PLD5: variants seen among roughly 807,000 people sequenced by gnomAD.
PLD5 encodes inactive phospholipase D5.
Under a neutral mutation model 61.1 loss-of-function variants are expected in PLD5, and 36 were observed. That is an observed-to-expected ratio of 0.59 (90% CI 0.45 to 0.78). The LOEUF is 0.78. Among genes scored for constraint, PLD5 ranks in the 30% least tolerant of loss-of-function variants. The pLI is 0.00. For synonymous variants in PLD5, 243 were observed against 242.8 expected (o/e 1.00, Z -0.01); for missense variants, 515 against 644.4 (o/e 0.80, Z 2.17).
chr1:242,477,558 G>A (rs1667638099), intron 1 of PLD5, among the ~76,000 whole-genome samples: 3 of 152,214 alleles, frequency 2.0e-5, no homozygotes, highest in Admixed American at 2.0e-4. Flanking sequence ...GAGGCGCAGG[G>A]GAGAGAATGG....
Position 242,123,810 on chromosome 1 carries a change from T to A in PLD5, c.933+658A>T, listed in dbSNP as rs375611035. ...AGATATTTACATTGCCCCTTTCCAGTAACATCTCTGGATAGCTGTGGCATG... is the reference window on the plus strand; with the variant it reads ...AGATATTTACATTGCCCCTTTCCAGAAACATCTCTGGATAGCTGTGGCATG... On this transcript the variant is annotated intron_variant, in intron 6 of 9. Transcript: ENST00000536534. 1.4e-4 allele frequency among the ~76,000 whole-genome samples: 22 copies of A among 152,320 alleles called. No homozygotes were observed. In the East Asian group the frequency reaches 2.1e-3, roughly 15 times the overall value.
At chr1:242,337,570 G>T (rs1574757846) in intron 2 of PLD5, among the ~76,000 whole-genome samples, 1 of 152,314 alleles carries the variant, frequency 6.6e-6, no homozygotes, top group African/African-American at 2.4e-5. Context: ...GGCAGAGGTT[G>T]CAGTGAGCCA....
At chr1:242,174,885 A>G (rs1042056399) in intron 5 of PLD5, among the ~76,000 whole-genome samples, 1 of 152,036 alleles carries the variant, frequency 6.6e-6, no homozygotes, top group Non-Finnish European at 1.5e-5. Flanking sequence ...AACGTCACAC[A>G]CCGGGGCCGG....
At chr1:242,269,005 A>G (rs1673886687) in intron 3 of PLD5, among the ~76,000 whole-genome samples, 1 of 151,754 alleles carries the variant, frequency 6.6e-6, no homozygotes, top group African/African-American at 2.4e-5. Flanking sequence ...ACCATGATCG[A>G]CTAATTTTTG....
chr1:242,362,019 AT>A (rs1661096731), intron 1 of PLD5, among the ~76,000 whole-genome samples: 1 of 151,928 alleles, frequency 6.6e-6, no homozygotes, highest in Non-Finnish European at 1.5e-5. Flanking sequence ...AAAAAATGGA[AT>A]TTACCTTTAG....
At position 242,500,352 on chromosome 1, in the gene PLD5, C is replaced by T. The variant is rs79919363; in HGVS notation, c.189+23736G>A. On this transcript the variant is annotated intron_variant, in intron 1 of 9. Coordinates refer to ENST00000536534, the MANE Select transcript of PLD5 (RefSeq NM_001372062.1). ...GAAAACACAGTTTATTTGGTTAAAC[C>T]GCTTAAACATGTATTTCTGATAATC... is the stretch of plus-strand genomic sequence containing the variant. Among the ~76,000 whole-genome samples the T allele has an allele frequency of 1.6e-3, 243 of 152,244 alleles. 1 individual carries two copies. Among genetic ancestry groups the T allele is most frequent in the African/African-American group, 5.4e-3 (225 of 41,544 alleles).
chr1:242,203,848 G>A (rs1212151390), intron 5 of PLD5: 1 of 152,216 alleles, frequency 6.6e-6, no homozygotes, highest in Non-Finnish European at 1.5e-5. Context: ...TCTCCCGTAA[G>A]TGGTCTTCAT....
intron 7 of PLD5, among the ~76,000 whole-genome samples, chr1:242,109,905 T>C (rs1661346533): frequency 6.6e-6 from 1 of 151,882 alleles, no homozygotes; most frequent in South Asian, 2.1e-4. Context: ...TTCATCATGA[T>C]TAAAGCATGA....
intron 2 of PLD5, among the ~76,000 whole-genome samples, chr1:242,288,917 G>T (rs1389671646): frequency 1.3e-5 from 2 of 152,008 alleles, no homozygotes; most frequent in Non-Finnish European, 2.9e-5. Context: ...TACTTTGCAA[G>T]CTATTTGAGA....
At chr1:242,521,414 C>T (rs960298954) in intron 1 of PLD5, among the ~76,000 whole-genome samples, 1 of 151,932 alleles carries the variant, frequency 6.6e-6, no homozygotes, top group African/African-American at 2.4e-5. Flanking sequence ...ACATGATTGA[C>T]TTTCAGATTA....
chr1:242,356,119 G>C (rs1571963382), intron 1 of PLD5, among the ~76,000 whole-genome samples: 1 of 151,248 alleles, frequency 6.6e-6, no homozygotes, highest in African/African-American at 2.4e-5. Flanking sequence ...TGTTGCTCAA[G>C]TCCACTGTTT....
intron 4 of PLD5, among the ~76,000 whole-genome samples, chr1:242,246,230 A>G (rs142093817): frequency 6.6e-6 from 1 of 152,136 alleles, no homozygotes; most frequent in East Asian, 1.9e-4. Flanking sequence ...GCCAAGCATG[A>G]TGGCATGTGC....
chr1:242,449,858 G>C (rs1417411003), intron 1 of PLD5, among the ~76,000 whole-genome samples: 1 of 152,156 alleles, frequency 6.6e-6, no homozygotes. Flanking sequence ...AGCGAAGAGG[G>C]GCAATGCTGA....
chr1:242,396,715 C>G (rs1359872149), intron 1 of PLD5, among the ~76,000 whole-genome samples: 1 of 146,878 alleles, frequency 6.8e-6, no homozygotes, highest in Non-Finnish European at 1.5e-5. Flanking sequence ...ACTCTGTCAC[C>G]AGGCTGGAGT....
intron 5 of PLD5, among the ~76,000 whole-genome samples, chr1:242,194,931 C>T (rs1668541884): frequency 6.6e-6 from 1 of 152,098 alleles, no homozygotes; most frequent in Non-Finnish European, 1.5e-5. Context: ...TCAGTGTATA[C>T]TGCTCGGGAG....
chr1:242,418,572 A>G (rs921724987), intron 1 of PLD5, among the ~76,000 whole-genome samples: 10 of 152,120 alleles, frequency 6.6e-5, no homozygotes, highest in Non-Finnish European at 1.3e-4. Flanking sequence ...AAGTCAGGAG[A>G]ATGGGGAGTC....
chr1:242,265,489 A>G (rs1350328479), intron 3 of PLD5, 41 bp from the exon 4 acceptor site: 1 of 1,516,860 alleles, frequency 6.6e-7, no homozygotes, highest in Non-Finnish European at 9.0e-7. Flanking sequence ...CAGAAAACCT[A>G]AATGTTTACC....
intron 6 of PLD5, among the ~76,000 whole-genome samples, chr1:242,122,457 T>G (rs1470362662): frequency 1.3e-5 from 2 of 152,212 alleles, no homozygotes; most frequent in Non-Finnish European, 2.9e-5. Context: ...CTACTGGATC[T>G]GATCAAGCGA....
chr1:242,479,617 T>G (rs1427200264), intron 1 of PLD5, among the ~76,000 whole-genome samples: 1 of 152,180 alleles, frequency 6.6e-6, no homozygotes, highest in African/African-American at 2.4e-5. Flanking sequence ...ATGTATAGAT[T>G]TAATGTTATC....
Sources: allele counts gnomAD v4.1 joint callset (sites outside exome capture counted in the v4.1 genomes callset), GRCh38; gene constraint gnomAD v4.1.1; transcripts MANE v1.5; gene names NCBI Gene and HGNC (gene_info 2026-07-23, HGNC 2026-07-21).